The following BTRC variants were observed in gnomAD, a reference collection of about 807,000 sequenced individuals.
BTRC encodes the protein beta-transducin repeat containing E3 ubiquitin protein ligase.
BTRC carries 42 observed loss-of-function variants against 85.5 expected under a neutral mutation model. That is an observed-to-expected ratio of 0.49 (90% confidence interval 0.38 to 0.64). The LOEUF is 0.64. BTRC is among the 30% of genes least tolerant of loss of function. The pLI, the probability that BTRC is intolerant of heterozygous loss-of-function variation, is 0.00. For synonymous variants in BTRC, 255 were observed against 263.3 expected (o/e 0.97, Z 0.30); for missense variants, 594 against 743.5 (o/e 0.80, Z 2.34).
intron 4 of BTRC, among the ~76,000 whole-genome samples, chr10:101,510,607 T>C (rs1032043295): frequency 2.6e-5 from 4 of 152,186 alleles, no homozygotes; most frequent in Admixed American, 2.6e-4. Context: ...AAAAAATCTC[T>C]TCCTTTCCCC....
chr10:101,518,729 CCCAGGACCT>C (rs1387773712), intron 4 of BTRC, among the ~76,000 whole-genome samples: 3 of 152,154 alleles, frequency 2.0e-5, no homozygotes, highest in African/African-American at 7.2e-5. Flanking sequence ...CCGACTGCCA[CCCAGGACCT>C]AGGGTCTCAA....
chr10:101,495,409 T>C lies in BTRC; in HGVS notation c.324+15952T>C, dbSNP rs138659432. On this transcript the variant is annotated intron_variant, in intron 4 of 14. Coordinates refer to ENST00000370187, the MANE Select transcript of BTRC (RefSeq NM_033637.4). The stretch of plus-strand genomic sequence containing the variant: ...GGCAGCCTATTAATTATTCATATCA[T>C]AGCAACAATTAAAGCAAATTAAAAA... 8.3e-3 allele frequency among the ~76,000 whole-genome samples: 1,261 copies of C among 152,334 alleles called. 11 individuals carry two copies. The highest frequency in any genetic ancestry group is 0.02 in the South Asian group (97 of 4,824).
intron 2 of BTRC, 56 bp from the exon 3 acceptor site, chr10:101,461,925 C>T (rs1945236395): frequency 2.3e-6 from 3 of 1,292,856 alleles, no homozygotes; most frequent in Non-Finnish European, 3.3e-6. Flanking sequence ...AGTTTACTCC[C>T]AAAGGATAAG....
chr10:101,517,351 A>C (rs540695682), intron 4 of BTRC, among the ~76,000 whole-genome samples: 3 of 152,190 alleles, frequency 2.0e-5, no homozygotes, highest in African/African-American at 7.2e-5. Flanking sequence ...GCAAGCCTCA[A>C]GAGTTCAGGG....
intron 3 of BTRC, among the ~76,000 whole-genome samples, chr10:101,475,312 G>T (rs1945648207): frequency 6.6e-6 from 1 of 152,222 alleles, no homozygotes; most frequent in African/African-American, 2.4e-5. Context: ...GGCCAAGGCA[G>T]GTGGATCAAT....
At chr10:101,493,451 G>A (rs938895461) in intron 4 of BTRC, among the ~76,000 whole-genome samples, 3 of 152,210 alleles carry the variant, frequency 2.0e-5, no homozygotes, top group Non-Finnish European at 4.4e-5. Context: ...TGCAGAACTG[G>A]AATTTGAACC....
At chr10:101,549,530 C>T (rs369196107) in intron 13 of BTRC, among the ~76,000 whole-genome samples, 4 of 150,628 alleles carry the variant, frequency 2.7e-5, no homozygotes, top group African/African-American at 7.3e-5. Context: ...CTGGCTAACA[C>T]GATGAAACCC....
chr10:101,523,097 G>A (rs1192780586), intron 5 of BTRC, among the ~76,000 whole-genome samples: 1 of 152,054 alleles, frequency 6.6e-6, no homozygotes, highest in Non-Finnish European at 1.5e-5. Context: ...TCAGCTACTT[G>A]GGAGACTGGG....
intron 1 of BTRC, among the ~76,000 whole-genome samples, chr10:101,416,420 C>A (rs1026420226): frequency 7.9e-5 from 12 of 152,132 alleles, no homozygotes; most frequent in Non-Finnish European, 1.3e-4. Context: ...TGAAATCATT[C>A]TTCACAGGGT....
chr10:101,465,321 T>G (rs768570490), intron 3 of BTRC, among the ~76,000 whole-genome samples: 39 of 152,224 alleles, frequency 2.6e-4, no homozygotes, highest in Non-Finnish European at 4.9e-4. Context: ...AATATTATAG[T>G]TGACATATAT....
chr10:101,378,934 G>A (rs974970553), intron 1 of BTRC, among the ~76,000 whole-genome samples: 2 of 152,168 alleles, frequency 1.3e-5, no homozygotes, highest in African/African-American at 4.8e-5. Flanking sequence ...GTGTAATTAA[G>A]AAAAGGTGAC....
At chr10:101,533,732 G>A (rs749258613) in intron 9 of BTRC, among the ~76,000 whole-genome samples, 2 of 152,108 alleles carry the variant, frequency 1.3e-5, no homozygotes, top group Non-Finnish European at 2.9e-5. Flanking sequence ...GGAAAAAAGC[G>A]GTTAAGTGCA....
intron 4 of BTRC, among the ~76,000 whole-genome samples, chr10:101,501,843 TG>T (rs1273889803): frequency 1.3e-5 from 2 of 152,216 alleles, no homozygotes; most frequent in Non-Finnish European, 2.9e-5. Context: ...ACTGTCTTCC[TG>T]ATTTTCATTT....
At chr10:101,497,819 A>C (rs1946302056) in intron 4 of BTRC, among the ~76,000 whole-genome samples, 1 of 152,128 alleles carries the variant, frequency 6.6e-6, no homozygotes, top group Non-Finnish European at 1.5e-5. Flanking sequence ...CAAGAGATCA[A>C]GAACATCTTG....
At position 101,522,014 on chromosome 10, in the gene BTRC, CTTTTTTTTTTTTTTTTTTTTTTT is replaced by C. The variant is rs1194237945; in HGVS notation, c.556+158_556+180del. On this transcript the variant is annotated intron_variant, in intron 5 of 14. Transcript: ENST00000370187. The stretch of plus-strand genomic sequence containing the variant: ...TTAACTGTACCTTTTTGATATAAAG[CTTTTTTTTTTTTTTTTTTTTTTT>C]TTTTTTTTTTTTTGAGATGGAGTCT... 525 of 67,904 alleles carry C rather than the reference CTTTTTTTTTTTTTTTTTTTTTTT, an allele frequency of 7.7e-3. 26 individuals carry two copies. In the East Asian group the frequency reaches 0.21, roughly 27 times the overall value. 4.2% of individuals were successfully genotyped at this position (67,904 alleles called of 1,614,324 possible).
At chr10:101,410,791 T>C (rs1449741259) in intron 1 of BTRC, among the ~76,000 whole-genome samples, 3 of 152,184 alleles carry the variant, frequency 2.0e-5, no homozygotes, top group African/African-American at 7.2e-5. Flanking sequence ...CATCTTTAAC[T>C]TAACACAGCC....
At chr10:101,405,678 T>C (rs1943602491) in intron 1 of BTRC, among the ~76,000 whole-genome samples, 1 of 152,258 alleles carries the variant, frequency 6.6e-6, no homozygotes, top group South Asian at 2.1e-4. Context: ...AGTTGTTCTA[T>C]ATGTTCTGTC....
chr10:101,408,375 C>T (rs1943686457), intron 1 of BTRC, among the ~76,000 whole-genome samples: 1 of 152,032 alleles, frequency 6.6e-6, no homozygotes, highest in African/African-American at 2.4e-5. Flanking sequence ...GGAGTGATCT[C>T]TGTTCACTGC....
rs1316559745 is a variant in BTRC at position 101,389,115 on chromosome 10, GTGTGTTTTT to G, written c.48+34889_48+34897del. On this transcript the variant is annotated intron_variant, in intron 1 of 14. Transcript: ENST00000370187. Reference sequence around the variant, plus strand: ...ATGTTGCATAATTGTGATTTTTTGTGTGTGTTTTTTTTTTTTTTTTTTTTTTTTTTTTTG... The same window carrying G: ...ATGTTGCATAATTGTGATTTTTTGTGTTTTTTTTTTTTTTTTTTTTTTTTG... Among the ~76,000 whole-genome samples the G allele has an allele frequency of 2.8e-3, 98 of 35,464 alleles. 5 individuals carry two copies. The highest frequency in any genetic ancestry group is 0.012 in the African/African-American group (90 of 7,316). The allele number at this position is 35,464 out of a possible 152,430, so 23.3% of individuals were successfully genotyped here. A position where few individuals can be genotyped will look rare whatever the true frequency, so the allele number is the denominator to read the frequency against.
Sources: gnomAD v4.1 joint callset for allele counts (sites outside exome capture counted in the v4.1 genomes callset) on GRCh38, gnomAD v4.1.1 for gene constraint, MANE v1.5 for transcripts, NCBI Gene and HGNC (gene_info 2026-07-23, HGNC 2026-07-21) for gene names.